ARSB: variants seen among roughly 807,000 people sequenced by gnomAD.
The protein encoded by ARSB is N-acetylgalactosamine-4-sulfatase.
Under a neutral mutation model 50.9 loss-of-function variants are expected in ARSB, and 41 were observed. The ratio of observed to expected loss-of-function variants is 0.81; its 90% CI spans 0.63 to 1.04. ARSB has a LOEUF of 1.04. ARSB is among the 50% of genes least tolerant of loss of function. The probability of loss-of-function intolerance (pLI) is 0.00; values close to 1 mark genes in which losing one functional copy is unlikely to be tolerated. For synonymous variants in ARSB, 269 were observed against 284.8 expected, an observed-to-expected ratio of 0.94 and a Z score of 0.56; for missense variants, 672 against 693.3, an observed-to-expected ratio of 0.97 and a Z score of 0.35.
chr5:78,882,474 A>G (rs1747798234), intron 5 of ARSB, among the ~76,000 whole-genome samples: 7 of 152,196 alleles, frequency 4.6e-5, no homozygotes, highest in Admixed American at 4.6e-4. Context: ...TTTATATCTA[A>G]GGGAAAAAGT....
chr5:78,973,058 C>G (rs1426760238), intron 1 of ARSB, among the ~76,000 whole-genome samples: 1 of 152,134 alleles, frequency 6.6e-6, no homozygotes, highest in Non-Finnish European at 1.5e-5. Context: ...CAGGCAAATG[C>G]CGAACTGGTT....
chr5:78,920,989 T>C (rs1417335175), intron 4 of ARSB, among the ~76,000 whole-genome samples: 1 of 152,144 alleles, frequency 6.6e-6, no homozygotes, highest in East Asian at 1.9e-4. Flanking sequence ...GATTCTCTTT[T>C]GAAGATTTTA....
At chr5:78,942,923 T>C (rs1188697395) in intron 4 of ARSB, among the ~76,000 whole-genome samples, 1 of 152,184 alleles carries the variant, frequency 6.6e-6, no homozygotes, top group Non-Finnish European at 1.5e-5. Flanking sequence ...CTAAGTCTCT[T>C]TGTAGGTCTC....
chr5:78,813,849 A>T (rs895307977), intron 6 of ARSB, among the ~76,000 whole-genome samples: 2 of 152,226 alleles, frequency 1.3e-5, no homozygotes, highest in Non-Finnish European at 2.9e-5. Flanking sequence ...TATTATGAGT[A>T]CTGGCAAAAG....
At chr5:78,933,007 T>C (rs1013880515) in intron 4 of ARSB, among the ~76,000 whole-genome samples, 1 of 152,190 alleles carries the variant, frequency 6.6e-6, no homozygotes, top group Non-Finnish European at 1.5e-5. Context: ...ATTTAGAAAT[T>C]AGTTGTATAA....
chr5:78,980,613 C>A (rs1008234808), intron 1 of ARSB, among the ~76,000 whole-genome samples: 3 of 151,984 alleles, frequency 2.0e-5, no homozygotes, highest in Admixed American at 2.0e-4. Context: ...AGCTGCAGAT[C>A]AGTGTGAAGA....
intron 6 of ARSB, among the ~76,000 whole-genome samples, chr5:78,826,994 G>C (rs1025916577): frequency 6.6e-6 from 1 of 152,004 alleles, no homozygotes; most frequent in East Asian, 1.9e-4. Context: ...ACCTACAGGG[G>C]GTTCATCCTA....
chr5:78,816,133 G>T, intron 6 of ARSB: 1 of 1,614,090 alleles, frequency 6.2e-7, no homozygotes, highest in Non-Finnish European at 8.5e-7. Flanking sequence ...CACACAAAAT[G>T]ACTTTCCTGA....
chr5:78,985,034 AGGTGCGGCGTGCGGATGCG>A lies in ARSB; in HGVS notation c.196_214del (p.Arg66TrpfsTer42). On this transcript the variant is annotated frameshift_variant, in exon 1 of 8. Transcript: ENST00000264914. LOFTEE classifies it high-confidence loss of function. ...CACCCCGCCGGCCGCCAGCGCGTCC[AGGTGCGGCGTGCGGATGCG>A]GGAGCCGTGGAAGCCGACGTCGTTC... The A allele has an allele frequency of 6.5e-7, 1 of 1,542,032 alleles. No homozygotes were observed. The highest frequency in any genetic ancestry group is 1.9e-5 in the Admixed American group (1 of 51,388).
intron 4 of ARSB, among the ~76,000 whole-genome samples, chr5:78,886,937 A>G (rs966704145): frequency 6.6e-6 from 1 of 152,200 alleles, no homozygotes; most frequent in Non-Finnish European, 1.5e-5. Context: ...CACTGACTGC[A>G]CTAGGAGTGA....
intron 5 of ARSB, among the ~76,000 whole-genome samples, chr5:78,848,763 T>C (rs1221827642): frequency 4.6e-5 from 7 of 152,260 alleles, no homozygotes; most frequent in Non-Finnish European, 8.8e-5. Flanking sequence ...ATTGCCATTC[T>C]AACTGGTGTG....
intron 6 of ARSB, among the ~76,000 whole-genome samples, chr5:78,832,680 T>C (rs1447215911): frequency 6.6e-6 from 1 of 152,198 alleles, no homozygotes; most frequent in Non-Finnish European, 1.5e-5. Flanking sequence ...GGAAGAAGGC[T>C]GTTCTTTCAC....
intron 1 of ARSB, among the ~76,000 whole-genome samples, chr5:78,976,684 C>T (rs1752685412): frequency 1.3e-5 from 2 of 152,184 alleles, no homozygotes; most frequent in Non-Finnish European, 2.9e-5. Flanking sequence ...CCAAAGAATG[C>T]CACATGGCAC....
intron 4 of ARSB, among the ~76,000 whole-genome samples, chr5:78,905,857 C>T (rs1749037103): frequency 6.8e-6 from 1 of 146,698 alleles, no homozygotes; most frequent in Non-Finnish European, 1.5e-5. Flanking sequence ...TTGTAGTTCC[C>T]CATTCTGTCA....
chr5:78,841,028 C>T (rs1745174445), intron 5 of ARSB, among the ~76,000 whole-genome samples: 1 of 152,106 alleles, frequency 6.6e-6, no homozygotes, highest in South Asian at 2.1e-4. Context: ...GGTACAATGG[C>T]TCACGCCTAT....
chr5:78,810,252 G>A (rs1743756867), intron 6 of ARSB, among the ~76,000 whole-genome samples: 1 of 152,192 alleles, frequency 6.6e-6, no homozygotes, highest in African/African-American at 2.4e-5. Flanking sequence ...AATAAGGATG[G>A]GAGTGATTAA....
Position 78,985,209 on chromosome 5 carries a change from C to T in ARSB, c.40G>A (p.Gly14Arg), listed in dbSNP as rs1561198191. 3 of 1,357,728 alleles carry T rather than the reference C, an allele frequency of 2.2e-6. No homozygotes were observed. The highest frequency in any genetic ancestry group is 1.8e-5 in the South Asian group (1 of 54,930). The allele number at this position is 1,357,728 out of a possible 1,614,324, so 84.1% of individuals were successfully genotyped here. Residue 14 changes from glycine (G) to arginine (R), a missense_variant, in exon 1 of 8, where the codon GGA becomes AGA. Transcript: ENST00000264914. ...RGAASLPRGP[G>R]PRRLLLPVVL... ...ACGGGGAGGAGCAGCCGCCGAGGTC[C>T]GGGGCCTCGGGGCAAGCTCGCCGCG...
intron 1 of ARSB, among the ~76,000 whole-genome samples, chr5:78,976,691 G>A (rs893364640): frequency 2.6e-5 from 4 of 152,168 alleles, no homozygotes; most frequent in African/African-American, 9.7e-5. Context: ...ATGCCACATG[G>A]CACTTGACTG....
At chr5:78,887,287 A>G (rs1465445107) in intron 4 of ARSB, among the ~76,000 whole-genome samples, 2 of 151,858 alleles carry the variant, frequency 1.3e-5, no homozygotes, top group Non-Finnish European at 2.9e-5. Context: ...GTGCAGGTAA[A>G]GAGGGACCAA....
Sources: gnomAD v4.1 joint callset for allele counts (sites outside exome capture counted in the v4.1 genomes callset) on GRCh38, gnomAD v4.1.1 for gene constraint, MANE v1.5 for transcripts, NCBI Gene and HGNC (gene_info 2026-07-23, HGNC 2026-07-21) for gene names.